Variants in HSD17B12 observed in about 807,000 individuals in gnomAD.
HSD17B12 encodes the protein hydroxysteroid 17-beta dehydrogenase 12.
HSD17B12 carries 32 observed loss-of-function variants against 39.3 expected under a neutral mutation model. That is an observed-to-expected ratio of 0.81 (90% CI 0.61 to 1.09). The LOEUF is 1.09. Ranked by LOEUF, HSD17B12 falls within the 50% of genes least tolerant of loss-of-function variation. The probability of loss-of-function intolerance (pLI) is 0.00; values close to 1 mark genes in which losing one functional copy is unlikely to be tolerated. For synonymous variants in HSD17B12, 150 were observed against 146.7 expected (o/e 1.02, Z -0.16); for missense variants, 342 against 382.9 (o/e 0.89, Z 0.89).
chr11:43,703,339 C>T (rs868413410), intron 1 of HSD17B12, among the ~76,000 whole-genome samples: 52 of 151,148 alleles, frequency 3.4e-4, no homozygotes, highest in Non-Finnish European at 6.4e-4. Context: ...GGACTACAGG[C>T]GCCCGCCACT....
chr11:43,774,216 TA>T (rs1171062621), intron 3 of HSD17B12, among the ~76,000 whole-genome samples: 3 of 151,836 alleles, frequency 2.0e-5, no homozygotes, highest in Non-Finnish European at 4.4e-5. Context: ...TAAGACTTTG[TA>T]ATTTTTTTTT....
chr11:43,752,315 T>C (rs1377635573), intron 2 of HSD17B12, among the ~76,000 whole-genome samples: 5 of 152,146 alleles, frequency 3.3e-5, no homozygotes, highest in African/African-American at 1.2e-4. Flanking sequence ...GAATGACACT[T>C]TGAGGCTGTA....
In HSD17B12 at chr11:43,850,316, T is replaced by C. The variant is rs189258509; in HGVS notation, c.685-4399T>C. ...GTATACCAGATCCTGAAATCGTAGA[T>C]GAATACACAGATTTCAGGAAATGGA... On this transcript the variant is annotated intron_variant, in intron 9 of 10. Coordinates refer to ENST00000278353, the MANE Select transcript of HSD17B12 (RefSeq NM_016142.3). Among the ~76,000 whole-genome samples the C allele has an allele frequency of 9.8e-5, 15 of 152,348 alleles. 1 individual carries two copies. The highest frequency in any genetic ancestry group is 8.5e-4 in the Admixed American group (13 of 15,304).
chr11:43,673,495 T>TC, the HSD17B12 span: 1 of 140,732 alleles, frequency 7.1e-6, no homozygotes, highest in Admixed American at 7.6e-5. Context: ...TTCTTTTCTT[T>TC]TTTTTTTTTT....
the HSD17B12 span, among the ~76,000 whole-genome samples, chr11:43,647,617 A>G: frequency 1.3e-5 from 2 of 152,268 alleles, no homozygotes; most frequent in South Asian, 4.1e-4. Context: ...GAACATTTGT[A>G]AGGGTAAAAC....
At chr11:43,616,638 T>A in the HSD17B12 span, among the ~76,000 whole-genome samples, 4 of 151,612 alleles carry the variant, frequency 2.6e-5, no homozygotes, top group African/African-American at 7.3e-5. Flanking sequence ...AAAACTGAGA[T>A]GGCATAACTT....
chr11:43,692,829 T>C (rs1005634051), intron 1 of HSD17B12, among the ~76,000 whole-genome samples: 1 of 147,186 alleles, frequency 6.8e-6, no homozygotes, highest in African/African-American at 2.5e-5. Flanking sequence ...ATCTCTTTGA[T>C]AGTAAATACA....
upstream of HSD17B12, among the ~76,000 whole-genome samples, chr11:43,678,215 C>G (rs1424399210): frequency 2.0e-5 from 3 of 152,126 alleles, no homozygotes; most frequent in Admixed American, 2.0e-4. Context: ...GTGTCTGTTG[C>G]CTGCATAAAT....
intron 1 of HSD17B12, among the ~76,000 whole-genome samples, chr11:43,709,950 T>C (rs1950049798): frequency 6.6e-6 from 1 of 152,190 alleles, no homozygotes; most frequent in African/African-American, 2.4e-5. Context: ...TGTGCAACTC[T>C]GGGCTGGGGA....
Position 43,680,834 on chromosome 11 carries a change from A to C in HSD17B12, c.7A>C (p.Ser3Arg). Residue 3 changes from serine to arginine, a missense_variant, in exon 1 of 11, where the codon AGC becomes CGC. Coordinates refer to ENST00000278353, the MANE Select transcript of HSD17B12 (RefSeq NM_016142.3). MESALPAAGFLYW... is the reference protein window; with the variant it reads MERALPAAGFLYW... ...TGAGGCCTAGTGGAAAGCCATGGAG[A>C]GCGCTCTCCCCGCCGCCGGCTTCCT... 1 of 1,613,920 alleles carries C rather than the reference A, an allele frequency of 6.2e-7. No homozygotes were observed. Among genetic ancestry groups the C allele is most frequent in the Non-Finnish European group, 8.5e-7 (1 of 1,179,916 alleles).
the HSD17B12 span, among the ~76,000 whole-genome samples, chr11:43,635,288 G>A: frequency 5.3e-5 from 8 of 152,200 alleles, no homozygotes; most frequent in South Asian, 1.0e-3. Context: ...AATATTTTTT[G>A]TGCATGCACA....
Position 43,706,331 on chromosome 11 carries a change from G to A in HSD17B12, c.160+25344G>A, listed in dbSNP as rs561936502. 3.5e-3 allele frequency among the ~76,000 whole-genome samples: 526 copies of A among 152,246 alleles called. 5 individuals are homozygous for A. Among genetic ancestry groups the A allele is most frequent in the Non-Finnish European group, 5.0e-3 (342 of 68,016 alleles). ...GGCCGAGGTGGGCAGATCACTTGAG[G>A]TCAGGAGTTCGAGACCAGCCTGGCC... On this transcript the variant is annotated intron_variant, in intron 1 of 10. Coordinates refer to ENST00000278353, the MANE Select transcript of HSD17B12 (RefSeq NM_016142.3).
At chr11:43,613,949 C>G in the HSD17B12 span, among the ~76,000 whole-genome samples, 99,358 of 152,098 alleles carry the variant, frequency 0.65, 33,095 homozygotes, top group East Asian at 0.81. Flanking sequence ...TTACAGGCAT[C>G]AGCCACCATG....
At chr11:43,822,848 G>A (rs897113892) in intron 6 of HSD17B12, among the ~76,000 whole-genome samples, 1 of 152,148 alleles carries the variant, frequency 6.6e-6, no homozygotes, top group African/African-American at 2.4e-5. Context: ...TACATACCCA[G>A]TAATGAGATG....
At chr11:43,655,079 A>G in the HSD17B12 span, among the ~76,000 whole-genome samples, 1 of 151,936 alleles carries the variant, frequency 6.6e-6, no homozygotes, top group Non-Finnish European at 1.5e-5. Flanking sequence ...CTTTTATTTC[A>G]CTGAGCAGTG....
chr11:43,743,776 A>G, intron 1 of HSD17B12, among the ~76,000 whole-genome samples: 1 of 152,218 alleles, frequency 6.6e-6, no homozygotes, highest in East Asian at 1.9e-4. Flanking sequence ...TCACAGTGTA[A>G]TCACCTCACC....
chr11:43,713,115 G>T (rs544961751), intron 1 of HSD17B12, among the ~76,000 whole-genome samples: 75 of 152,192 alleles, frequency 4.9e-4, no homozygotes, highest in African/African-American at 1.7e-3. Context: ...GTACAATTTG[G>T]TAGTCACCAG....
the HSD17B12 span, among the ~76,000 whole-genome samples, chr11:43,648,652 A>G: frequency 1.3e-5 from 2 of 152,176 alleles, no homozygotes; most frequent in Admixed American, 6.5e-5. Flanking sequence ...ATCTAAAAAA[A>G]TTTTTTTTAT....
At chr11:43,731,290 C>T (rs988292752) in intron 1 of HSD17B12, among the ~76,000 whole-genome samples, 2 of 152,226 alleles carry the variant, frequency 1.3e-5, no homozygotes, top group Admixed American at 6.5e-5. Context: ...AGCCACTGCG[C>T]CCAGCCTAAA....
Sources: allele counts gnomAD v4.1 joint callset (sites outside exome capture counted in the v4.1 genomes callset), GRCh38; gene constraint gnomAD v4.1.1; transcripts MANE v1.5; gene names NCBI Gene and HGNC (gene_info 2026-07-23, HGNC 2026-07-21).